C1QTNF7: variants seen among roughly 807,000 people sequenced by gnomAD.
C1QTNF7 encodes complement C1q tumor necrosis factor-related protein 7.
In C1QTNF7, 15 loss-of-function variants were observed where a neutral mutation model predicts 19.6. That is an observed-to-expected ratio of 0.76 (90% CI 0.51 to 1.18). The LOEUF (loss-of-function observed/expected upper bound fraction) is 1.18, where lower values mean the gene tolerates loss of function less well. Ranked by LOEUF, C1QTNF7 falls within the 50% of genes most tolerant of loss-of-function variation. The pLI is 0.00. For missense variants in C1QTNF7, 324 were observed against 359.7 expected (o/e 0.90, Z 0.80); for synonymous variants, 142 against 137.5 (o/e 1.03, Z -0.23).
chr4:15,425,918 A>T (rs1712025113), upstream of C1QTNF7, among the ~76,000 whole-genome samples: 1 of 152,190 alleles, frequency 6.6e-6, no homozygotes, highest in African/African-American at 2.4e-5. Context: ...CGAATTCTAC[A>T]ATTCTACATT....
intron 1 of C1QTNF7, among the ~76,000 whole-genome samples, chr4:15,372,675 G>A (rs1460327118): frequency 6.6e-6 from 1 of 152,178 alleles, no homozygotes; most frequent in Non-Finnish European, 1.5e-5. Flanking sequence ...AGGGGGCGCT[G>A]ATCTTGATTC....
intron 1 of C1QTNF7, among the ~76,000 whole-genome samples, chr4:15,353,031 T>G (rs1293764091): frequency 6.6e-6 from 1 of 152,196 alleles, no homozygotes; most frequent in Non-Finnish European, 1.5e-5. Context: ...AATATCATAT[T>G]AGCTCCAAAT....
chr4:15,386,233 C>G (rs1385484488), intron 1 of C1QTNF7, among the ~76,000 whole-genome samples: 4 of 152,222 alleles, frequency 2.6e-5, no homozygotes, highest in African/African-American at 9.6e-5. Flanking sequence ...CTGGCCTTGT[C>G]TCTCATGCAT....
intron 1 of C1QTNF7, among the ~76,000 whole-genome samples, chr4:15,388,848 T>C (rs1718445290): frequency 1.3e-5 from 2 of 152,152 alleles, no homozygotes; most frequent in African/African-American, 2.4e-5. Context: ...AATTAGTAGA[T>C]GGCATCATCC....
chr4:15,428,167 G>A lies in C1QTNF7; in HGVS notation c.-9+61G>A, dbSNP rs900144071. 18 of 757,698 alleles carry A rather than the reference G, an allele frequency of 2.4e-5. No individual in the cohort carries two copies. The Admixed American group carries it at 2.5e-4, about 11-fold the overall frequency. The allele number at this position is 757,698 out of a possible 1,614,324, so 46.9% of individuals were successfully genotyped here. A position where few individuals can be genotyped will look rare whatever the true frequency, so the allele number is the denominator to read the frequency against. On this transcript the variant is annotated intron_variant, in intron 1 of 2. Transcript: ENST00000444304. ...AATGTAGATGCAATGGCCTGTTCTC[G>A]TGACGGGAGCTTTTTAGCTTATTAA...
At chr4:15,393,060 G>C (rs1718637013) in intron 1 of C1QTNF7, among the ~76,000 whole-genome samples, 1 of 152,174 alleles carries the variant, frequency 6.6e-6, no homozygotes, top group African/African-American at 2.4e-5. Flanking sequence ...CTGAATCATG[G>C]GGGTGGTTCC....
In C1QTNF7 at chr4:15,442,456, A is replaced by C; in HGVS notation, c.527A>C (p.Glu176Ala). 1.2e-6 allele frequency: 2 copies of C among 1,614,186 alleles called. No individual in the cohort carries two copies. Among genetic ancestry groups the C allele is most frequent in the Non-Finnish European group, 1.7e-6 (2 of 1,180,030 alleles). Reference protein sequence around the residue: ...IFNKVLFNEGEHYNPATGKFI... With the variant: ...IFNKVLFNEGAHYNPATGKFI... ...AACAAGGTCCTCTTCAACGAGGGAG[A>C]GCACTACAACCCTGCCACAGGGAAG... The change falls in exon 3 of 3, where the codon GAG becomes GCG. Residue 176 changes from glutamate (E) to alanine (A), a missense_variant. Glu to Ala is a moderately radical substitution (Grantham distance 107). Coordinates refer to ENST00000444304, the MANE Select transcript of C1QTNF7 (RefSeq NM_031911.5).
At chr4:15,370,274 T>G (rs1414676089) in intron 1 of C1QTNF7, among the ~76,000 whole-genome samples, 1 of 152,194 alleles carries the variant, frequency 6.6e-6, no homozygotes, top group Non-Finnish European at 1.5e-5. Flanking sequence ...TCTGTTTGGC[T>G]ATAAACTGAG....
chr4:15,385,307 A>C (rs751031590), intron 1 of C1QTNF7, among the ~76,000 whole-genome samples: 4 of 152,186 alleles, frequency 2.6e-5, no homozygotes, highest in African/African-American at 4.8e-5. Context: ...TGTCAGAAGG[A>C]CCACAGAAAA....
intron 1 of C1QTNF7, among the ~76,000 whole-genome samples, chr4:15,414,206 A>G (rs1440116603): frequency 6.6e-6 from 1 of 152,252 alleles, no homozygotes; most frequent in African/African-American, 2.4e-5. Flanking sequence ...TAAACCATTT[A>G]TTATTTTAAA....
At chr4:15,385,058 T>A (rs1438850737) in intron 1 of C1QTNF7, among the ~76,000 whole-genome samples, 1 of 152,232 alleles carries the variant, frequency 6.6e-6, no homozygotes, top group Non-Finnish European at 1.5e-5. Context: ...TCTCTTTTTC[T>A]GTCTGTCTTC....
At chr4:15,354,373 T>G (rs539679983) in intron 1 of C1QTNF7, among the ~76,000 whole-genome samples, 217 of 152,236 alleles carry the variant, frequency 1.4e-3, no homozygotes, top group African/African-American at 4.9e-3. Context: ...GGTTTTTGAT[T>G]GAGACAGACA....
At chr4:15,386,246 A>C (rs1488915039) in intron 1 of C1QTNF7, among the ~76,000 whole-genome samples, 2 of 152,168 alleles carry the variant, frequency 1.3e-5, no homozygotes, top group African/African-American at 4.8e-5. Flanking sequence ...TCATGCATGG[A>C]GCTTTTGAGG....
Position 15,379,304 on chromosome 4 carries a change from G to A in C1QTNF7, c.13+39097G>A, listed in dbSNP as rs189446359. Among the ~76,000 whole-genome samples, 988 of 152,234 alleles carry A rather than the reference G, an allele frequency of 6.5e-3. 10 individuals are homozygous for A. The highest frequency in any genetic ancestry group is 7.7e-3 in the Non-Finnish European group (522 of 68,024). On this transcript the variant is annotated intron_variant, in intron 1 of 2. Transcript: ENST00000295297. ...CAATTCATGATGCTTCTTGGGATCC[G>A]ACACAATTTCAACCAGAGAATAGTG...
At chr4:15,339,945 A>G (rs1442036221) in exon 1 of C1QTNF7, 1 of 588,646 alleles carries the variant, frequency 1.7e-6, no homozygotes, top group Non-Finnish European at 3.0e-6. Flanking sequence ...TGGGAGAAGG[A>G]GTGGGAGGTT....
intron 1 of C1QTNF7, among the ~76,000 whole-genome samples, chr4:15,364,217 A>T (rs886112239): frequency 3.3e-5 from 5 of 152,130 alleles, no homozygotes; most frequent in Admixed American, 6.6e-5. Context: ...TTCACTTTTA[A>T]CATCATCAGC....
intron 1 of C1QTNF7, among the ~76,000 whole-genome samples, chr4:15,400,968 G>C (rs959056490): frequency 6.6e-6 from 1 of 152,080 alleles, no homozygotes; most frequent in Non-Finnish European, 1.5e-5. Flanking sequence ...CATGTTTTCT[G>C]CCCACACAAT....
chr4:15,374,610 C>G (rs902340175), intron 1 of C1QTNF7: 2 of 985,286 alleles, frequency 2.0e-6, no homozygotes, highest in Non-Finnish European at 2.4e-6. Context: ...CCTGGGAGAA[C>G]GCTTTTGAAA....
intron 1 of C1QTNF7, among the ~76,000 whole-genome samples, chr4:15,400,491 T>C (rs10032941): frequency 0.36 from 54,462 of 152,036 alleles, 10,059 homozygotes; most frequent in East Asian, 0.55. Flanking sequence ...ACACAAGAAA[T>C]CTGAAACCGT....
Sources: gnomAD v4.1 joint callset for allele counts (sites outside exome capture counted in the v4.1 genomes callset) on GRCh38, gnomAD v4.1.1 for gene constraint, MANE v1.5 for transcripts, NCBI Gene and HGNC (gene_info 2026-07-23, HGNC 2026-07-21) for gene names.